The following STX2 variants were observed in gnomAD, a reference collection of about 807,000 sequenced individuals.
STX2 encodes syntaxin 2, also known as syntaxin-2.
STX2 carries 27 observed loss-of-function variants against 40.6 expected under a neutral mutation model. The ratio of observed to expected loss-of-function variants is 0.66; its 90% CI spans 0.49 to 0.92. STX2 has a LOEUF of 0.92. Ranked by LOEUF, STX2 falls within the 40% of genes least tolerant of loss-of-function variation. The pLI is 0.00. For synonymous variants in STX2, 123 were observed against 119.1 expected (o/e 1.03, Z -0.22); for missense variants, 328 against 366.1 (o/e 0.90, Z 0.85).
At position 130,791,682 on chromosome 12, in the gene STX2, G is replaced by A; in HGVS notation, c.*341C>T. 1 of 499,696 alleles carries A rather than the reference G, an allele frequency of 2.0e-6. No individual in the cohort carries two copies. Among genetic ancestry groups the A allele is most frequent in the South Asian group, 3.1e-5 (1 of 32,768 alleles). The allele number at this position is 499,696 out of a possible 1,614,324, so 31.0% of individuals were successfully genotyped here. A position where few individuals can be genotyped will look rare whatever the true frequency, so the allele number is the denominator to read the frequency against. ...AGTCTCACACTGCTCACATTCTGTA[G>A]TGTGTCATTCAGGGTCACGCATCAC... On this transcript the variant is annotated 3_prime_UTR_variant, in exon 11 of 11. Transcript: ENST00000392373.
Position 130,791,513 on chromosome 12 carries a change from G to A in STX2, c.*510C>T, listed in dbSNP as rs182658086. The A allele has an allele frequency of 6.1e-3, 913 of 149,230 alleles. 11 individuals are homozygous for A. The highest frequency in any genetic ancestry group is 0.022 in the African/African-American group (868 of 39,262). The allele number at this position is 149,230 out of a possible 1,614,324, so 9.2% of individuals were successfully genotyped here. ...TGCACTCCAGCCTGGATGACAAAGCGAGACTCCGTCTCAAAAAAAAAAAAA... is the reference window on the plus strand; with the variant it reads ...TGCACTCCAGCCTGGATGACAAAGCAAGACTCCGTCTCAAAAAAAAAAAAA... On this transcript the variant is annotated 3_prime_UTR_variant, in exon 11 of 11. Coordinates refer to ENST00000392373, the MANE Select transcript of STX2 (RefSeq NM_194356.4).
chr12:130,791,951 TACAC>T lies in STX2; in HGVS notation c.*68_*71del. ...TTCCAAGGATCACAAGCAAAACAAT[TACAC>T]AAATAATAATGAACATCAATTTCTG... On this transcript the variant is annotated 3_prime_UTR_variant, in exon 11 of 11. Transcript: ENST00000392373. The T allele has an allele frequency of 6.2e-7, 1 of 1,609,502 alleles. No homozygotes were observed. Among genetic ancestry groups the T allele is most frequent in the Non-Finnish European group, 8.5e-7 (1 of 1,177,166 alleles).
chr12:130,813,788 AC>A, intron 3 of STX2, among the ~76,000 whole-genome samples: 1 of 98,182 alleles, frequency 1.0e-5, no homozygotes, highest in Non-Finnish European at 2.6e-5. Flanking sequence ...GGCTGAAGTG[AC>A]CAGAAGGGAA....
intron 8 of STX2, 69 bp from the exon 9 acceptor site, chr12:130,798,704 C>G (rs1951114083): frequency 1.6e-6 from 2 of 1,237,604 alleles, no homozygotes; most frequent in Non-Finnish European, 2.2e-6. Flanking sequence ...TTAAGACAAC[C>G]ATAGAACAAA....
At chr12:130,806,207 G>A (rs1039188227) in intron 6 of STX2, among the ~76,000 whole-genome samples, 13 of 152,242 alleles carry the variant, frequency 8.5e-5, no homozygotes, top group African/African-American at 3.1e-4. Context: ...GGGGATGTGC[G>A]GCGTTGGGAG....
At chr12:130,829,578 TAGAA>T (rs909999602) in intron 1 of STX2, among the ~76,000 whole-genome samples, 1 of 151,986 alleles carries the variant, frequency 6.6e-6, no homozygotes, top group African/African-American at 2.4e-5. Context: ...CCCCCTCTCT[TAGAA>T]AGAGGATCTA....
At chr12:130,806,836 G>A (rs1593136499) in intron 6 of STX2, 146 bp downstream of exon 6, 1 of 707,070 alleles carries the variant, frequency 1.4e-6, no homozygotes, top group East Asian at 2.7e-5. Flanking sequence ...CTGACTCACG[G>A]CATAGGAAGC....
intron 3 of STX2, among the ~76,000 whole-genome samples, chr12:130,816,269 T>G (rs1166897017): frequency 6.6e-6 from 1 of 152,156 alleles, no homozygotes; most frequent in African/African-American, 2.4e-5. Flanking sequence ...ATCTGAGAGC[T>G]GGGCCTGCCA....
intron 1 of STX2, among the ~76,000 whole-genome samples, chr12:130,834,880 T>C (rs1952704420): frequency 6.6e-6 from 1 of 152,252 alleles, no homozygotes; most frequent in Admixed American, 6.5e-5. Context: ...CTTCTTATTT[T>C]ATGAATTGGA....
chr12:130,794,480 A>T (rs1254898798), intron 10 of STX2, among the ~76,000 whole-genome samples: 1 of 152,160 alleles, frequency 6.6e-6, no homozygotes, highest in Non-Finnish European at 1.5e-5. Flanking sequence ...GGTGAGCGTA[A>T]CAGATGCTCA....
intron 3 of STX2, among the ~76,000 whole-genome samples, chr12:130,815,389 T>C (rs559809081): frequency 1.1e-4 from 17 of 152,278 alleles, no homozygotes; most frequent in African/African-American, 3.9e-4. Context: ...GACGGGGTGT[T>C]CGTGCGCGTG....
At chr12:130,792,729 G>C (rs941957318) in intron 10 of STX2, among the ~76,000 whole-genome samples, 10 of 152,190 alleles carry the variant, frequency 6.6e-5, no homozygotes, top group African/African-American at 2.4e-4. Context: ...GCCTTCCGAA[G>C]TGTTGGGATT....
intron 1 of STX2, among the ~76,000 whole-genome samples, chr12:130,832,311 T>C (rs1444283533): frequency 6.6e-6 from 1 of 152,110 alleles, no homozygotes; most frequent in Admixed American, 6.5e-5. Flanking sequence ...AGCCATGAGG[T>C]AGCCATCCAG....
At chr12:130,810,362 T>C (rs1265778066) in intron 4 of STX2, among the ~76,000 whole-genome samples, 1 of 152,238 alleles carries the variant, frequency 6.6e-6, no homozygotes. Flanking sequence ...ATTCATTTTA[T>C]CTTTTAAAAA....
intron 5 of STX2, among the ~76,000 whole-genome samples, chr12:130,807,701 T>C (rs1951492982): frequency 6.6e-6 from 1 of 152,220 alleles, no homozygotes; most frequent in Admixed American, 6.5e-5. Flanking sequence ...ATTTGGATAA[T>C]TCCCTACTCT....
intron 2 of STX2, among the ~76,000 whole-genome samples, chr12:130,823,168 C>T (rs1327812106): frequency 6.6e-6 from 1 of 152,100 alleles, no homozygotes; most frequent in Non-Finnish European, 1.5e-5. Flanking sequence ...GAAAATTAGC[C>T]GGGCACAATG....
At chr12:130,838,979 C>A (rs1484637838) in intron 1 of STX2, 91 bp downstream of exon 1, 2 of 1,127,934 alleles carry the variant, frequency 1.8e-6, no homozygotes, top group Non-Finnish European at 2.3e-6. Context: ...GGGACCCTCC[C>A]GGAGCCCCGC....
intron 6 of STX2, among the ~76,000 whole-genome samples, chr12:130,805,808 C>T (rs1330075151): frequency 6.6e-6 from 1 of 152,186 alleles, no homozygotes; most frequent in African/African-American, 2.4e-5. Context: ...AACAAAGTAA[C>T]GTTCACAATG....
At chr12:130,824,161 G>A (rs879352517) in intron 2 of STX2, among the ~76,000 whole-genome samples, 8 of 44,608 alleles carry the variant, frequency 1.8e-4, no homozygotes, top group African/African-American at 2.4e-4. Flanking sequence ...AGGCCAAGGC[G>A]GGCAGATCAC....
Sources: allele counts gnomAD v4.1 joint callset (sites outside exome capture counted in the v4.1 genomes callset), GRCh38; gene constraint gnomAD v4.1.1; transcripts MANE v1.5; gene names NCBI Gene and HGNC (gene_info 2026-07-23, HGNC 2026-07-21).